CERS3: variants seen among roughly 807,000 people sequenced by gnomAD.
The protein encoded by CERS3 is ceramide synthase 3, also known as LAG1 homolog, ceramide synthase 3.
A neutral mutation model predicts 50.3 loss-of-function variants in CERS3; 33 were observed. The observed-to-expected ratio is 0.66, with a 90% CI of 0.50 to 0.88. The LOEUF is 0.88. Ranked by LOEUF, CERS3 falls within the 40% of genes least tolerant of loss-of-function variation. The pLI is 0.00. For missense variants in CERS3, 470 were observed against 460.3 expected (o/e 1.02, Z -0.19); for synonymous variants, 176 against 155.2 (o/e 1.13, Z -0.99).
chr15:100,463,140 G>T (rs1241873509), intron 10 of CERS3, among the ~76,000 whole-genome samples: 1 of 152,110 alleles, frequency 6.6e-6, no homozygotes, highest in Non-Finnish European at 1.5e-5. Context: ...ATATCTAGGG[G>T]TTCTCTGTAG....
intron 1 of CERS3, among the ~76,000 whole-genome samples, chr15:100,541,869 G>T (rs1456194712): frequency 1.3e-5 from 2 of 152,076 alleles, no homozygotes; most frequent in African/African-American, 4.8e-5. Context: ...CAGTAAGTAT[G>T]GTAAAAATAA....
chr15:100,504,486 G>T (rs373502402), intron 2 of CERS3, among the ~76,000 whole-genome samples: 1 of 151,970 alleles, frequency 6.6e-6, no homozygotes, highest in Non-Finnish European at 1.5e-5. Flanking sequence ...CAGGTGATCC[G>T]CCCGCCTCAG....
At chr15:100,509,492 T>G (rs1270495733) in intron 2 of CERS3, among the ~76,000 whole-genome samples, 2 of 151,868 alleles carry the variant, frequency 1.3e-5, no homozygotes, top group Non-Finnish European at 2.9e-5. Context: ...GAACAGAAGG[T>G]TTCTCTCAGA....
chr15:100,418,737 C>T (rs1218168938), intron 11 of CERS3, among the ~76,000 whole-genome samples: 1 of 136,968 alleles, frequency 7.3e-6, no homozygotes, highest in Non-Finnish European at 1.6e-5. Context: ...GATCTCTCGG[C>T]AGAAACCCTA....
At position 100,400,954 on chromosome 15, in the gene CERS3, C is replaced by T. The variant is rs771278723; in HGVS notation, c.*1759G>A. ...CAAATGTTATACAGAGAAAATCTGA[C>T]CTTGTTTGTAACAATTTCTCAGAAA... On this transcript the variant is annotated 3_prime_UTR_variant, in exon 12 of 12. Coordinates refer to ENST00000679737, the MANE Select transcript of CERS3 (RefSeq NM_001378789.1). 1 of 151,978 alleles carries T rather than the reference C, an allele frequency of 6.6e-6. No homozygotes were observed. Among genetic ancestry groups the T allele is most frequent in the Non-Finnish European group, 1.5e-5 (1 of 67,978 alleles). The allele number at this position is 151,978 out of a possible 1,614,324, so 9.4% of individuals were successfully genotyped here.
chr15:100,436,679 T>C (rs568633758), intron 11 of CERS3, among the ~76,000 whole-genome samples: 2 of 152,014 alleles, frequency 1.3e-5, no homozygotes, highest in South Asian at 4.2e-4. Context: ...ATAAGAAAAA[T>C]GTTTTTAATA....
intron 3 of CERS3, among the ~76,000 whole-genome samples, chr15:100,499,263 G>T (rs2035926506): frequency 1.3e-5 from 2 of 152,124 alleles, no homozygotes; most frequent in African/African-American, 2.4e-5. Context: ...AGCAGGTTAG[G>T]TTTCTTTTAA....
intron 11 of CERS3, among the ~76,000 whole-genome samples, chr15:100,419,936 G>A (rs1433986468): frequency 7.0e-6 from 1 of 143,570 alleles, no homozygotes; most frequent in African/African-American, 2.5e-5. Context: ...CAAAGCATGT[G>A]TAGAGGGAAA....
chr15:100,519,277 T>C (rs1047182504), intron 2 of CERS3, among the ~76,000 whole-genome samples: 2 of 151,914 alleles, frequency 1.3e-5, no homozygotes, highest in Non-Finnish European at 2.9e-5. Flanking sequence ...GGACTTGGAG[T>C]TGAAGTGACC....
intron 2 of CERS3, among the ~76,000 whole-genome samples, chr15:100,520,387 A>G (rs909502551): frequency 2.6e-5 from 4 of 152,062 alleles, no homozygotes; most frequent in Non-Finnish European, 4.4e-5. Flanking sequence ...GAACCTCCAG[A>G]ATTCCTGTGA....
At chr15:100,459,476 T>A (rs544818304) in intron 10 of CERS3, among the ~76,000 whole-genome samples, 2 of 152,236 alleles carry the variant, frequency 1.3e-5, no homozygotes, top group South Asian at 4.1e-4. Flanking sequence ...TTGTATTTTG[T>A]TTTTTGTAGA....
intron 11 of CERS3, among the ~76,000 whole-genome samples, chr15:100,426,551 A>G (rs909926264): frequency 3.9e-5 from 6 of 152,226 alleles, no homozygotes; most frequent in Non-Finnish European, 8.8e-5. Flanking sequence ...ACTGGAATAT[A>G]CCATCTGTCT....
rs953354456 is a variant in CERS3, at chr15:100,419,552, G to A, written c.1000-16687C>T. ...ACAGAAAGTCAACAAGGATACCCAG[G>A]AATTGAACTCAGCTCTGCACCAAGC... On this transcript the variant is annotated intron_variant, in intron 11 of 11. Transcript: ENST00000679737. 2.2e-4 allele frequency among the ~76,000 whole-genome samples: 30 copies of A among 138,096 alleles called. 3 individuals carry two copies. The East Asian group carries it at 5.2e-3, about 24-fold the overall frequency. 90.6% of individuals were successfully genotyped at this position (138,096 alleles called of 152,430 possible).
At chr15:100,411,129 T>G (rs1181746283) in intron 11 of CERS3, among the ~76,000 whole-genome samples, 1 of 152,204 alleles carries the variant, frequency 6.6e-6, no homozygotes, top group Non-Finnish European at 1.5e-5. Flanking sequence ...TCATTCATGT[T>G]GTAGCATGTG....
chr15:100,538,625 C>T (rs2037128921), intron 1 of CERS3, among the ~76,000 whole-genome samples: 1 of 152,230 alleles, frequency 6.6e-6, no homozygotes, highest in Non-Finnish European at 1.5e-5. Context: ...CCTGAGACTG[C>T]ACGAAGCAGC....
At chr15:100,533,041 A>G (rs112472390), upstream of CERS3, among the ~76,000 whole-genome samples, 495 of 152,268 alleles carry the variant, frequency 3.3e-3, 6 homozygotes, top group African/African-American at 0.011. Context: ...CTCCGCTTCC[A>G]CACTCATCCT....
chr15:100,483,906 G>A (rs1307962499), intron 5 of CERS3, among the ~76,000 whole-genome samples: 7 of 150,118 alleles, frequency 4.7e-5, no homozygotes, highest in Non-Finnish European at 8.9e-5. Flanking sequence ...TCAGCCTCCC[G>A]AGTAGCTGGG....
At chr15:100,485,958 G>A (rs1434104577) in intron 4 of CERS3, among the ~76,000 whole-genome samples, 1 of 152,166 alleles carries the variant, frequency 6.6e-6, no homozygotes, top group Non-Finnish European at 1.5e-5. Context: ...CTGACCTTCA[G>A]CTTCAGTGCT....
At chr15:100,444,281 C>T (rs2033838155) in intron 11 of CERS3, among the ~76,000 whole-genome samples, 1 of 152,154 alleles carries the variant, frequency 6.6e-6, no homozygotes, top group South Asian at 2.1e-4. Context: ...CTTTCTGCTC[C>T]CCGGCTCCTT....
Sources: gnomAD v4.1 joint callset for allele counts (sites outside exome capture counted in the v4.1 genomes callset) on GRCh38, gnomAD v4.1.1 for gene constraint, MANE v1.5 for transcripts, NCBI Gene and HGNC (gene_info 2026-07-23, HGNC 2026-07-21) for gene names.